The following STK32C variants were observed in gnomAD, a reference collection of about 807,000 sequenced individuals.
STK32C encodes the protein serine/threonine kinase 32C.
In STK32C, 31 loss-of-function variants were observed where a neutral mutation model predicts 56.5. The ratio of observed to expected loss-of-function variants is 0.55; its 90% CI spans 0.41 to 0.74. STK32C has a LOEUF of 0.74. Ranked by LOEUF, STK32C falls within the 30% of genes least tolerant of loss-of-function variation. The pLI, the probability that STK32C is intolerant of heterozygous loss-of-function variation, is 0.00. For synonymous variants in STK32C, 309 were observed against 289.4 expected (o/e 1.07, Z -0.69); for missense variants, 544 against 676.9 (o/e 0.80, Z 2.18).
rs771460491 is a variant in STK32C at position 132,208,083 on chromosome 10, G to T, written c.1388C>A (p.Pro463His). Residue 463 changes from proline to histidine, a missense_variant, in exon 12 of 12, where the codon CCT becomes CAT. Physicochemically the swap from Pro to His is moderately conservative, Grantham distance 77. Coordinates refer to ENST00000298630, the MANE Select transcript of STK32C (RefSeq NM_173575.4). ...GGAGCGTTCCGCCTCGTCCTCCACA[G>T]GCTCCGCAGCATCCCTGGACTCAGG... ...PAPESRDAAEPVEDEAERSAL... is the reference protein window; with the variant it reads ...PAPESRDAAEHVEDEAERSAL... 2.5e-5 allele frequency: 33 copies of T among 1,311,090 alleles called. No homozygotes were observed. The African/African-American group carries it at 5.0e-4, about 20-fold the overall frequency. 81.2% of individuals were successfully genotyped at this position (1,311,090 alleles called of 1,614,324 possible).
intron 1 of STK32C, among the ~76,000 whole-genome samples, chr10:132,277,010 C>T (rs994849447): frequency 6.6e-6 from 1 of 152,222 alleles, no homozygotes; most frequent in African/African-American, 2.4e-5. Flanking sequence ...TGGATTATCA[C>T]CCTGGGAAAG....
rs2063244423 is a variant in STK32C, at chr10:132,235,408, A to C, written c.319-7280T>G. On this transcript the variant is annotated intron_variant, in intron 2 of 11. Coordinates refer to ENST00000298630, the MANE Select transcript of STK32C (RefSeq NM_173575.4). The stretch of plus-strand genomic sequence containing the variant: ...CTTCTCGGGAGGCTGAGGCAGGGGA[A>C]TCTCTTGAACCTGGGAGGCGGAGGT... Among the ~76,000 whole-genome samples the C allele has an allele frequency of 2.8e-5, 4 of 141,040 alleles. No individual in the cohort carries two copies. The Admixed American group carries it at 3.1e-4, about 11-fold the overall frequency. 92.5% of individuals were successfully genotyped at this position (141,040 alleles called of 152,430 possible).
chr10:132,282,669 G>A (rs2065251633), intron 1 of STK32C, among the ~76,000 whole-genome samples: 1 of 152,192 alleles, frequency 6.6e-6, no homozygotes, highest in Non-Finnish European at 1.5e-5. Flanking sequence ...TAATAACAAC[G>A]ACGACGAAGT....
intron 1 of STK32C, among the ~76,000 whole-genome samples, chr10:132,295,564 T>C (rs1453218699): frequency 6.6e-6 from 1 of 151,214 alleles, no homozygotes; most frequent in Non-Finnish European, 1.5e-5. Flanking sequence ...GGTAACAGAA[T>C]TAACGCAAGG....
intron 4 of STK32C, 129 bp from the exon 5 acceptor site, chr10:132,225,913 G>C: frequency 8.1e-7 from 1 of 1,236,728 alleles, no homozygotes; most frequent in Non-Finnish European, 1.2e-6. Flanking sequence ...CTGGGAGCTT[G>C]ACTTGGTCCT....
chr10:132,315,683 G>T (rs1299894160), intron 1 of STK32C, among the ~76,000 whole-genome samples: 1 of 152,152 alleles, frequency 6.6e-6, no homozygotes, highest in East Asian at 1.9e-4. Flanking sequence ...AATTACTAAG[G>T]ATATAGAAGT....
intron 1 of STK32C, among the ~76,000 whole-genome samples, chr10:132,303,924 C>T (rs939173781): frequency 1.3e-5 from 2 of 152,192 alleles, no homozygotes; most frequent in Admixed American, 1.3e-4. Context: ...CCACTGCACT[C>T]GCTCCTGCCT....
rs1383834224 is a variant in STK32C at position 132,209,066 on chromosome 10, G to T, written c.1287C>A (p.Ile429=). 4 of 1,613,816 alleles carry T rather than the reference G, an allele frequency of 2.5e-6. No individual in the cohort carries two copies. The highest frequency in any genetic ancestry group is 3.4e-6 in the Non-Finnish European group (4 of 1,180,022). Residue 429 remains isoleucine (I), a synonymous_variant, in exon 11 of 12, where the codon ATC becomes ATA. Transcript: ENST00000298630. The part of the protein sequence containing the change: ...NDYLQDCLDA[I]QQDFVIFNRE... ...TGTTAAAAATCACGAAGTCTTGCTG[G>T]ATGGCATCGAGGCAGTCTTGAAGAT...
In STK32C at chr10:132,222,852, CA is replaced by C. The variant is rs775902961; in HGVS notation, c.1119+8del. Reference sequence around the variant, plus strand: ...CAGGGCCCCCCACCTGAGCCGCCCACAGGCTTACGTTGGGCACGAAGCCCGG... The same window carrying C: ...CAGGGCCCCCCACCTGAGCCGCCCACGGCTTACGTTGGGCACGAAGCCCGG... On this transcript the variant is annotated splice_region_variant and intron_variant, in intron 9 of 11. Coordinates refer to ENST00000298630, the MANE Select transcript of STK32C (RefSeq NM_173575.4). The C allele has an allele frequency of 6.3e-7, 1 of 1,590,696 alleles. No individual in the cohort carries two copies. Among genetic ancestry groups the C allele is most frequent in the East Asian group, 2.3e-5 (1 of 43,344 alleles).
chr10:132,325,694 C>G (rs1361302508), intron 1 of STK32C, among the ~76,000 whole-genome samples: 1 of 150,988 alleles, frequency 6.6e-6, no homozygotes, highest in African/African-American at 2.4e-5. Context: ...AAACCTCTTT[C>G]TTTTGTAAAT....
chr10:132,273,906 G>A (rs1418336387), intron 1 of STK32C, among the ~76,000 whole-genome samples: 5 of 152,222 alleles, frequency 3.3e-5, no homozygotes, highest in African/African-American at 1.2e-4. Context: ...CCCACTATGC[G>A]TGTGCTGACC....
chr10:132,268,271 G>T lies in STK32C; in HGVS notation c.263-22316C>A, dbSNP rs540948271. 3.7e-5 allele frequency among the ~76,000 whole-genome samples: 5 copies of T among 136,638 alleles called. No individual in the cohort carries two copies. The Admixed American group carries it at 3.7e-4, about 10-fold the overall frequency. The allele number at this position is 136,638 out of a possible 152,430, so 89.6% of individuals were successfully genotyped here. Reference sequence around the variant, plus strand: ...TGTGTGTGCATGCATGTGTATGCAGGTTCAGCTCTATGCCTGTGTGCATGC... The same window carrying T: ...TGTGTGTGCATGCATGTGTATGCAGTTTCAGCTCTATGCCTGTGTGCATGC... On this transcript the variant is annotated intron_variant, in intron 1 of 11. Transcript: ENST00000298630.
chr10:132,306,029 G>T (rs537452181), intron 1 of STK32C, among the ~76,000 whole-genome samples: 1 of 152,354 alleles, frequency 6.6e-6, no homozygotes, highest in South Asian at 2.1e-4. Flanking sequence ...GAGCCCCACA[G>T]ACAGACTCTG....
chr10:132,209,009 G>T (rs201440939), intron 11 of STK32C, 25 bp downstream of exon 11: 2 of 892,878 alleles, frequency 2.2e-6, no homozygotes, highest in Non-Finnish European at 3.6e-6. Flanking sequence ...CTGCCACCAC[G>T]CCCACCCACC....
chr10:132,291,946 G>A (rs1039967440), intron 1 of STK32C, among the ~76,000 whole-genome samples: 4 of 152,134 alleles, frequency 2.6e-5, no homozygotes, highest in Non-Finnish European at 4.4e-5. Flanking sequence ...AGTGGGGAGC[G>A]GGGAAGAAGA....
chr10:132,266,803 C>T (rs1272182591), intron 1 of STK32C, among the ~76,000 whole-genome samples: 2 of 149,428 alleles, frequency 1.3e-5, no homozygotes, highest in Non-Finnish European at 3.0e-5. Context: ...GGGGCTCCAC[C>T]GGTGGGGCGG....
chr10:132,216,515 G>A (rs1422912520), intron 10 of STK32C, among the ~76,000 whole-genome samples: 1 of 151,904 alleles, frequency 6.6e-6, no homozygotes, highest in Non-Finnish European at 1.5e-5. Flanking sequence ...ATTTTCTGAG[G>A]AGAAATTTGC....
intron 2 of STK32C, among the ~76,000 whole-genome samples, chr10:132,233,380 C>T (rs752825535): frequency 1.3e-5 from 2 of 152,230 alleles, no homozygotes; most frequent in Non-Finnish European, 2.9e-5. Context: ...GAAGCTGTGT[C>T]CCATAGGCCA....
chr10:132,230,881 A>C (rs1174977007), intron 2 of STK32C, among the ~76,000 whole-genome samples: 2 of 152,092 alleles, frequency 1.3e-5, no homozygotes, highest in African/African-American at 2.4e-5. Flanking sequence ...CTTACGGGGG[A>C]ATCTCTGGAA....
Sources: allele counts gnomAD v4.1 joint callset (sites outside exome capture counted in the v4.1 genomes callset), GRCh38; gene constraint gnomAD v4.1.1; transcripts MANE v1.5; gene names NCBI Gene and HGNC (gene_info 2026-07-23, HGNC 2026-07-21).